Variants in LDB2 observed in about 807,000 individuals in gnomAD.
LDB2 encodes the protein LIM domain-binding protein 2.
Under a neutral mutation model 44.3 loss-of-function variants are expected in LDB2, and 12 were observed. That is an observed-to-expected ratio of 0.27 (90% CI 0.17 to 0.44). LDB2 has a LOEUF of 0.44. Among genes scored for constraint, LDB2 ranks in the 20% least tolerant of loss-of-function variants. The pLI is 1.00. For missense variants in LDB2, 344 were observed against 473.5 expected (o/e 0.73, Z 2.54); for synonymous variants, 164 against 174.8 (o/e 0.94, Z 0.49).
chr4:16,632,379 C>T (rs866468923), intron 2 of LDB2, among the ~76,000 whole-genome samples: 2 of 152,196 alleles, frequency 1.3e-5, no homozygotes, highest in Non-Finnish European at 2.9e-5. Flanking sequence ...CAACATTCAA[C>T]AGCCTTTCAT....
intron 2 of LDB2, among the ~76,000 whole-genome samples, chr4:16,603,855 A>C (rs1452747461): frequency 6.6e-6 from 1 of 152,156 alleles, no homozygotes; most frequent in Non-Finnish European, 1.5e-5. Context: ...ATCTTTAAGA[A>C]ATTCCATAGT....
intron 2 of LDB2, among the ~76,000 whole-genome samples, chr4:16,643,545 G>A (rs1486345656): frequency 6.6e-6 from 1 of 152,060 alleles, no homozygotes; most frequent in Non-Finnish European, 1.5e-5. Flanking sequence ...TGATCCCTTT[G>A]CATTTTGCAA....
chr4:16,825,343 G>T (rs1045330130), intron 1 of LDB2, among the ~76,000 whole-genome samples: 4 of 152,098 alleles, frequency 2.6e-5, no homozygotes, highest in African/African-American at 9.7e-5. Context: ...AGAAGCTAGG[G>T]TTTTCCAGGT....
chr4:16,794,141 A>G (rs1776292073), intron 1 of LDB2, among the ~76,000 whole-genome samples: 1 of 152,150 alleles, frequency 6.6e-6, no homozygotes, highest in Admixed American at 6.5e-5. Context: ...TAACGACCTT[A>G]AAGCCCACAA....
intron 2 of LDB2, among the ~76,000 whole-genome samples, chr4:16,692,227 A>G (rs923906428): frequency 9.2e-5 from 14 of 152,352 alleles, no homozygotes; most frequent in Non-Finnish European, 1.3e-4. Flanking sequence ...GTTATACATC[A>G]GAATTTGGAT....
intron 1 of LDB2, among the ~76,000 whole-genome samples, chr4:16,876,335 T>C (rs532136903): frequency 6.6e-6 from 1 of 152,338 alleles, no homozygotes; most frequent in South Asian, 2.1e-4. Flanking sequence ...TAACGCTGCC[T>C]CTAATTTTCC....
intron 1 of LDB2, among the ~76,000 whole-genome samples, chr4:16,897,537 T>C (rs898496962): frequency 1.6e-4 from 24 of 152,204 alleles, no homozygotes; most frequent in African/African-American, 5.8e-4. Flanking sequence ...GTTCTGAAAG[T>C]CCTGTTCTCT....
chr4:16,721,219 T>C (rs977676052), intron 2 of LDB2, among the ~76,000 whole-genome samples: 1 of 152,150 alleles, frequency 6.6e-6, no homozygotes, highest in African/African-American at 2.4e-5. Context: ...TAGCCTCCCA[T>C]GAGGGTATAA....
chr4:16,658,844 G>C (rs531936916), intron 2 of LDB2, among the ~76,000 whole-genome samples: 1 of 152,184 alleles, frequency 6.6e-6, no homozygotes, highest in Non-Finnish European at 1.5e-5. Context: ...TTACAGAGGA[G>C]GACAGTAAGG....
chr4:16,506,562 CAT>C (rs1264606290), intron 7 of LDB2: 1 of 152,300 alleles, frequency 6.6e-6, no homozygotes, highest in East Asian at 1.9e-4. Context: ...TGTGTCAAAA[CAT>C]ATGACATGTA....
intron 2 of LDB2, among the ~76,000 whole-genome samples, chr4:16,731,479 C>G (rs750288244): frequency 6.6e-6 from 1 of 152,124 alleles, no homozygotes; most frequent in African/African-American, 2.4e-5. Flanking sequence ...GGGACCCAGA[C>G]AGCATGCACG....
chr4:16,512,221 T>C (rs1210300122), intron 5 of LDB2, 117 bp from the exon 6 acceptor site: 1 of 973,722 alleles, frequency 1.0e-6, no homozygotes, highest in Non-Finnish European at 1.4e-6. Context: ...TTTCCTGGTT[T>C]TGATTTTCTT....
At chr4:16,837,460 C>G (rs1396504974) in intron 1 of LDB2, among the ~76,000 whole-genome samples, 1 of 152,144 alleles carries the variant, frequency 6.6e-6, no homozygotes, top group Non-Finnish European at 1.5e-5. Context: ...TAGTCTCTTC[C>G]CACGTTGACT....
chr4:16,690,459 C>CAGGACGGACGGAAGGAAGGAAGGA (rs1750359720), intron 2 of LDB2, among the ~76,000 whole-genome samples: 1 of 50,274 alleles, frequency 2.0e-5, no homozygotes, highest in Non-Finnish European at 3.6e-5. Flanking sequence ...GAAGACCCTG[C>CAGGACGGACGGAAGGAAGGAAGGA]AGGAAGGAAG....
At chr4:16,855,747 T>C (rs1789234987) in intron 1 of LDB2, among the ~76,000 whole-genome samples, 1 of 152,048 alleles carries the variant, frequency 6.6e-6, no homozygotes, top group South Asian at 2.1e-4. Flanking sequence ...ATGATATTAA[T>C]GAGTGTGATT....
chr4:16,601,750 C>G (rs1027553668), intron 2 of LDB2, among the ~76,000 whole-genome samples: 11 of 152,064 alleles, frequency 7.2e-5, no homozygotes, highest in Non-Finnish European at 1.0e-4. Flanking sequence ...TTCTATTATT[C>G]AGATACATAA....
intron 2 of LDB2, among the ~76,000 whole-genome samples, chr4:16,635,334 G>T (rs1038978078): frequency 6.6e-5 from 10 of 151,970 alleles, no homozygotes; most frequent in African/African-American, 2.2e-4. Context: ...TTCAATAGTT[G>T]TCACTTACAC....
intron 2 of LDB2, among the ~76,000 whole-genome samples, chr4:16,627,528 G>A (rs1730597376): frequency 6.6e-6 from 1 of 152,060 alleles, no homozygotes; most frequent in South Asian, 2.1e-4. Context: ...TATCTCTTAT[G>A]TGTCAGGTCT....
chr4:16,627,184 G>A (rs768636690), intron 2 of LDB2, among the ~76,000 whole-genome samples: 1 of 152,112 alleles, frequency 6.6e-6, no homozygotes, highest in Non-Finnish European at 1.5e-5. Flanking sequence ...TCCCTTCAGT[G>A]TCATCCCCAC....
Sources: gnomAD v4.1 joint callset for allele counts (sites outside exome capture counted in the v4.1 genomes callset) on GRCh38, gnomAD v4.1.1 for gene constraint, MANE v1.5 for transcripts, NCBI Gene and HGNC (gene_info 2026-07-23, HGNC 2026-07-21) for gene names.